TCF7L2: variants seen among roughly 807,000 people sequenced by gnomAD.
TCF7L2 encodes transcription factor 7 like 2, also known as transcription factor 7-like 2.
A neutral mutation model predicts 77.9 loss-of-function variants in TCF7L2; 23 were observed. The observed-to-expected ratio is 0.30, with a 90% CI of 0.21 to 0.42. The LOEUF is 0.42. TCF7L2 is among the 10% of genes least tolerant of loss of function. The pLI is 1.00. For synonymous variants in TCF7L2, 413 were observed against 340.2 expected, an observed-to-expected ratio of 1.21 and a Z score of -2.36; for missense variants, 654 against 793.1, an observed-to-expected ratio of 0.82 and a Z score of 2.11.
rs780321853 is a variant in TCF7L2, at chr10:112,950,844, A to G, written c.88A>G (p.Lys30Glu). ...CAAAGACGAGGGCGAACAGGAGGAG[A>G]AGAGCTCCGAAAACTCCTCGGCAGA... Residue 30 changes from lysine (K) to glutamate (E), a missense_variant, in exon 1 of 14, where the codon AAG becomes GAG. By Grantham distance (56) the Lys-to-Glu change is moderately conservative. Around this residue, in one of 6 missense-constraint regions of TCF7L2, gnomAD observed 37 missense variants for 48.1 expected, o/e 0.77. Coordinates refer to ENST00000627217, the MANE Select transcript of TCF7L2 (RefSeq NM_001146274.2). The G allele has an allele frequency of 1.9e-6, 3 of 1,608,856 alleles. No individual in the cohort carries two copies. The highest frequency in any genetic ancestry group is 2.5e-6 in the Non-Finnish European group (3 of 1,177,690).
At position 113,151,642 on chromosome 10, in the gene TCF7L2, G is replaced by A; in HGVS notation, c.1002-83G>A. The A allele has an allele frequency of 1.3e-6, 2 of 1,489,570 alleles. No homozygotes were observed. Among genetic ancestry groups the A allele is most frequent in the Non-Finnish European group, 1.8e-6 (2 of 1,121,158 alleles). The allele number at this position is 1,489,570 out of a possible 1,614,324, so 92.3% of individuals were successfully genotyped here. A position where few individuals can be genotyped will look rare whatever the true frequency, so the allele number is the denominator to read the frequency against. On this transcript the variant is annotated intron_variant, in intron 9 of 13. Coordinates refer to ENST00000627217, the MANE Select transcript of TCF7L2 (RefSeq NM_001146274.2). The surrounding 1 kb of genome is among the most constrained non-coding windows in gnomAD (Gnocchi z 5.2). Reference sequence around the variant, plus strand: ...AAACTGCTAGGCTTGGGGGTTATGAGACAAGGAGATACGTTCCCTGCCATG... The same window carrying A: ...AAACTGCTAGGCTTGGGGGTTATGAAACAAGGAGATACGTTCCCTGCCATG...
intron 5 of TCF7L2, among the ~76,000 whole-genome samples, chr10:113,076,575 G>A (rs2058725194): frequency 6.6e-6 from 1 of 152,172 alleles, no homozygotes; most frequent in Admixed American, 6.5e-5. Context: ...CTTTCTAAAT[G>A]CTGTTCTTGA....
chr10:112,986,869 A>G (rs1381805244), intron 4 of TCF7L2, among the ~76,000 whole-genome samples: 3 of 152,164 alleles, frequency 2.0e-5, no homozygotes, highest in Non-Finnish European at 4.4e-5. Flanking sequence ...TAATTTTAAT[A>G]CCTGGACCTG....
chr10:113,042,529 G>C (rs1297506300), intron 5 of TCF7L2, among the ~76,000 whole-genome samples: 1 of 152,130 alleles, frequency 6.6e-6, no homozygotes, highest in African/African-American at 2.4e-5. Flanking sequence ...TTGAATGCTT[G>C]TCATGAATGG....
chr10:113,161,549 T>C, intron 13 of TCF7L2: 1 of 1,535,984 alleles, frequency 6.5e-7, no homozygotes. Context: ...TTTGGTTAAA[T>C]GTGTTGTTTC....
chr10:113,098,394 G>A (rs1011393032), intron 5 of TCF7L2, among the ~76,000 whole-genome samples: 3 of 152,054 alleles, frequency 2.0e-5, no homozygotes, highest in African/African-American at 4.8e-5. Flanking sequence ...AGTGTGAGAC[G>A]TGGGATTTTT....
At chr10:113,052,242 G>A (rs766766582) in intron 5 of TCF7L2, among the ~76,000 whole-genome samples, 7 of 152,180 alleles carry the variant, frequency 4.6e-5, no homozygotes, top group Non-Finnish European at 7.3e-5. Context: ...GCTGGGTGGC[G>A]TCTGTGGGAG....
At chr10:113,050,508 C>T (rs898983194) in intron 5 of TCF7L2, among the ~76,000 whole-genome samples, 1 of 152,148 alleles carries the variant, frequency 6.6e-6, no homozygotes, top group Non-Finnish European at 1.5e-5. Flanking sequence ...AAGGAGACGC[C>T]AACCTTGATG....
rs185304114 is a variant in TCF7L2, at chr10:113,070,590, C to T, written c.552+30464C>T. On this transcript the variant is annotated intron_variant, in intron 5 of 13. Transcript: ENST00000627217. The stretch of plus-strand genomic sequence containing the variant: ...TAGGTGCATCTTGAAACTTAATCCT[C>T]GTGACATTTTGGAGTAGATACTATC... Among the ~76,000 whole-genome samples, 4 of 152,216 alleles carry T rather than the reference C, an allele frequency of 2.6e-5. No individual in the cohort carries two copies. In the East Asian group the frequency reaches 5.8e-4, roughly 22 times the overall value.
intron 4 of TCF7L2, among the ~76,000 whole-genome samples, chr10:112,979,951 A>C (rs564305865): frequency 1.3e-5 from 2 of 152,200 alleles, no homozygotes; most frequent in Non-Finnish European, 2.9e-5. Context: ...GCCCAATGGG[A>C]GTCTTCCAAA....
chr10:113,144,112 G>A (rs113489158), intron 7 of TCF7L2, 87 bp downstream of exon 7: 10 of 646,896 alleles, frequency 1.5e-5, no homozygotes, highest in South Asian at 9.1e-5. Flanking sequence ...GTGTGTGTGT[G>A]TGTGTGTGTG....
At chr10:112,996,170 A>G (rs535318766) in intron 4 of TCF7L2, among the ~76,000 whole-genome samples, 1 of 152,168 alleles carries the variant, frequency 6.6e-6, no homozygotes, top group African/African-American at 2.4e-5. Context: ...TCTAGAGCTC[A>G]TCAGGCTGTG....
chr10:113,152,517 C>A, intron 11 of TCF7L2, 77 bp downstream of exon 11: 1 of 1,266,808 alleles, frequency 7.9e-7, no homozygotes, highest in Non-Finnish European at 1.1e-6. Context: ...AGAACAGGAC[C>A]TGCCACTTGA....
chr10:112,973,868 G>C (rs1287379248), intron 4 of TCF7L2, among the ~76,000 whole-genome samples: 2 of 152,190 alleles, frequency 1.3e-5, no homozygotes, highest in Non-Finnish European at 2.9e-5. Context: ...GGGATTATAG[G>C]TGGGGGCCAC....
At chr10:113,110,369 G>GGTT (rs2062964348) in intron 5 of TCF7L2, among the ~76,000 whole-genome samples, 1 of 126,434 alleles carries the variant, frequency 7.9e-6, no homozygotes, top group Non-Finnish European at 1.6e-5. Flanking sequence ...GTCTACTGGG[G>GGTT]TTTTTTTTTT....
At chr10:113,006,255 A>C (rs1481044618) in intron 4 of TCF7L2, among the ~76,000 whole-genome samples, 1 of 152,238 alleles carries the variant, frequency 6.6e-6, no homozygotes, top group Non-Finnish European at 1.5e-5. Context: ...AAAAGGGGAA[A>C]AGGGGCTAGA....
chr10:113,089,506 C>T, intron 5 of TCF7L2: 2 of 1,613,846 alleles, frequency 1.2e-6, no homozygotes, highest in South Asian at 2.2e-5. Context: ...AGGAGCCACT[C>T]CTTACAAAAA....
intron 5 of TCF7L2, among the ~76,000 whole-genome samples, chr10:113,136,569 G>A (rs980336118): frequency 6.6e-5 from 10 of 152,168 alleles, no homozygotes; most frequent in African/African-American, 9.7e-5. Context: ...TGGCTGTAAT[G>A]ATTTTGTATC....
At chr10:113,082,659 A>G (rs1358227291) in intron 5 of TCF7L2, among the ~76,000 whole-genome samples, 1 of 151,984 alleles carries the variant, frequency 6.6e-6, no homozygotes, top group Non-Finnish European at 1.5e-5. Flanking sequence ...TTCTCCTTGA[A>G]TGTGACTTAT....
Sources: gnomAD v4.1 joint callset for allele counts (sites outside exome capture counted in the v4.1 genomes callset) on GRCh38, gnomAD v4.1.1 for gene constraint, gnomAD v4.1.1 regional missense constraint, Gnocchi (gnomAD v3.1) non-coding constraint, MANE v1.5 for transcripts, NCBI Gene and HGNC (gene_info 2026-07-23, HGNC 2026-07-21) for gene names.